Variants in STAG1 observed in about 807,000 individuals in gnomAD.
STAG1 encodes STAG1 cohesin complex component, also known as cohesin subunit SA-1.
A neutral mutation model predicts 170.9 loss-of-function variants in STAG1; 26 were observed. The observed-to-expected ratio is 0.15, with a 90% CI of 0.11 to 0.21. STAG1 has a LOEUF of 0.21. Ranked by LOEUF, STAG1 falls within the 10% of genes least tolerant of loss-of-function variation. STAG1 has a pLI of 1.00. For missense variants in STAG1, 964 were observed against 1,509.5 expected (o/e 0.64, Z 5.99); for synonymous variants, 514 against 497.7 (o/e 1.03, Z -0.44).
intron 4 of STAG1, among the ~76,000 whole-genome samples, chr3:136,584,459 C>G (rs574993723): frequency 4.9e-4 from 75 of 152,300 alleles, no homozygotes; most frequent in Non-Finnish European, 3.2e-4. Context: ...AAAGACTGAT[C>G]AGCCTTTAGG....
At chr3:136,747,093 TAAAAAAAAAAAAAAAAAA>T (rs71134408) in intron 1 of STAG1, among the ~76,000 whole-genome samples, 11 of 59,324 alleles carry the variant, frequency 1.9e-4, no homozygotes, top group Admixed American at 2.3e-4. Flanking sequence ...TGAAACTGTC[TAAAAAAAAAAAAAAAAAA>T]AAAAAAAAAA....
chr3:136,474,826 T>C (rs2089705743), intron 10 of STAG1, among the ~76,000 whole-genome samples: 1 of 152,212 alleles, frequency 6.6e-6, no homozygotes, highest in African/African-American at 2.4e-5. Flanking sequence ...TCAATATCTC[T>C]ATCTTTCTCT....
intron 23 of STAG1, among the ~76,000 whole-genome samples, chr3:136,374,818 T>A (rs888405573): frequency 6.6e-6 from 1 of 152,036 alleles, no homozygotes; most frequent in African/African-American, 2.4e-5. Context: ...ACATATAGAG[T>A]CTACAGTGAT....
rs546801771 is a variant in STAG1, at chr3:136,542,168, T to C, written c.422A>G (p.Asn141Ser). The change falls in exon 6 of 34, where the codon AAT becomes AGT. Residue 141 changes from asparagine to serine, a missense_variant. Coordinates refer to ENST00000383202, the MANE Select transcript of STAG1 (RefSeq NM_005862.3). ...RGTVRIEMFR[N>S]MQNAEIIRKM... ...TCTGATGATTTCTGCATTCTGCATATTTCGAAACATCTCTATTCTCACAGT... is the reference window on the plus strand; with the variant it reads ...TCTGATGATTTCTGCATTCTGCATACTTCGAAACATCTCTATTCTCACAGT... 183 of 1,609,814 alleles carry C rather than the reference T, an allele frequency of 1.1e-4. 2 individuals carry two copies. In the South Asian group the frequency reaches 1.9e-3, roughly 17 times the overall value.
chr3:136,733,470 A>G (rs536058760), intron 1 of STAG1, among the ~76,000 whole-genome samples: 71 of 152,314 alleles, frequency 4.7e-4, no homozygotes, highest in African/African-American at 1.6e-3. Context: ...AGCCCACAAC[A>G]GTGGAATACT....
intron 26 of STAG1, among the ~76,000 whole-genome samples, chr3:136,361,983 T>C (rs937153006): frequency 3.3e-5 from 5 of 151,908 alleles, no homozygotes; most frequent in Non-Finnish European, 7.4e-5. Flanking sequence ...GAGACAGAGT[T>C]TTGCTCTTGT....
chr3:136,416,334 A>G (rs778832261), intron 21 of STAG1, among the ~76,000 whole-genome samples: 21 of 152,206 alleles, frequency 1.4e-4, no homozygotes, highest in Non-Finnish European at 2.4e-4. Context: ...TTAATGTCAC[A>G]TAAGTATGTA....
chr3:136,738,559 G>A (rs1934478667), intron 1 of STAG1, among the ~76,000 whole-genome samples: 1 of 152,142 alleles, frequency 6.6e-6, no homozygotes, highest in African/African-American at 2.4e-5. Context: ...GCTGAGGCAT[G>A]AGAATCACTT....
Position 136,341,502 on chromosome 3 carries a change from T to G in STAG1, c.3496A>C (p.Asn1166His). 1 of 1,613,986 alleles carries G rather than the reference T, an allele frequency of 6.2e-7. No homozygotes were observed. Among genetic ancestry groups the G allele is most frequent in the Non-Finnish European group, 8.5e-7 (1 of 1,179,966 alleles). The change falls in exon 31 of 34, where the codon AAT becomes CAT. Residue 1166 changes from asparagine (N) to histidine (H), a missense_variant. This residue lies in a region of STAG1 where 122 missense variants were observed against 129.0 expected (regional missense o/e 0.95). Transcript: ENST00000383202. Reference protein sequence around the residue: ...WLGQPKLEDLNRKDRTGMNYM... With the variant: ...WLGQPKLEDLHRKDRTGMNYM... ...TTCATTCCTGTTCTGTCCTTCCGAT[T>G]TAAGTCTTCTAACTTCGGCTGGCCT...
At chr3:136,602,395 AAG>A (rs1044425675) in intron 4 of STAG1, among the ~76,000 whole-genome samples, 6 of 151,456 alleles carry the variant, frequency 4.0e-5, no homozygotes, top group African/African-American at 9.7e-5. Flanking sequence ...AAAAAAAAAA[AAG>A]AGAGAGAGAG....
intron 3 of STAG1, chr3:136,609,305 A>C (rs1033938437): frequency 6.6e-6 from 1 of 151,580 alleles, no homozygotes; most frequent in Non-Finnish European, 1.5e-5. Context: ...CCCTGTCTAG[A>C]CAAAAAATTA....
At chr3:136,473,721 C>T (rs2089678585) in intron 10 of STAG1, 84 bp from the exon 11 acceptor site, 1 of 998,978 alleles carries the variant, frequency 1.0e-6, no homozygotes, top group Non-Finnish European at 1.5e-6. Flanking sequence ...TAAAATTTAG[C>T]TTAAACATTT....
chr3:136,364,605 T>C (rs1238209224), intron 25 of STAG1, among the ~76,000 whole-genome samples: 2 of 152,212 alleles, frequency 1.3e-5, no homozygotes, highest in African/African-American at 4.8e-5. Context: ...CCCATCAACA[T>C]GTCTATATTT....
intron 9 of STAG1, among the ~76,000 whole-genome samples, chr3:136,485,043 C>T (rs1271084571): frequency 1.3e-5 from 2 of 152,210 alleles, no homozygotes; most frequent in Admixed American, 6.5e-5. Context: ...TCTTCTGCGT[C>T]GCTCACGCTG....
At chr3:136,424,764 A>G (rs1381402675) in intron 16 of STAG1, among the ~76,000 whole-genome samples, 2 of 152,206 alleles carry the variant, frequency 1.3e-5, no homozygotes, top group East Asian at 3.8e-4. Context: ...AATTGTATAT[A>G]TATTTTTCCT....
At chr3:136,585,516 G>C (rs923373111) in intron 4 of STAG1, among the ~76,000 whole-genome samples, 1 of 152,002 alleles carries the variant, frequency 6.6e-6, no homozygotes, top group Non-Finnish European at 1.5e-5. Context: ...AGGAGGTTGA[G>C]ACAGGAGAAT....
chr3:136,718,049 CAG>C (rs1201516455), intron 1 of STAG1, among the ~76,000 whole-genome samples: 5 of 152,286 alleles, frequency 3.3e-5, no homozygotes, highest in Non-Finnish European at 5.9e-5. Flanking sequence ...TATACACACA[CAG>C]ACTCGTGTAT....
intron 1 of STAG1, among the ~76,000 whole-genome samples, chr3:136,636,190 G>A (rs528017729): frequency 3.7e-4 from 57 of 152,134 alleles, no homozygotes; most frequent in South Asian, 2.1e-3. Context: ...AGAGATTGCA[G>A]TGAGCCGAGA....
intron 1 of STAG1, among the ~76,000 whole-genome samples, chr3:136,666,364 A>T (rs1209606163): frequency 6.6e-6 from 1 of 152,138 alleles, no homozygotes; most frequent in East Asian, 1.9e-4. Context: ...ACCTATGGAA[A>T]CTATGAGATT....
Sources: gnomAD v4.1 joint callset for allele counts (sites outside exome capture counted in the v4.1 genomes callset) on GRCh38, gnomAD v4.1.1 for gene constraint, gnomAD v4.1.1 regional missense constraint, MANE v1.5 for transcripts, NCBI Gene and HGNC (gene_info 2026-07-23, HGNC 2026-07-21) for gene names.